The following COL25A1 variants were observed in gnomAD, a reference collection of about 807,000 sequenced individuals.
The protein encoded by COL25A1 is collagen type XXV alpha 1 chain.
Under a neutral mutation model 128.4 loss-of-function variants are expected in COL25A1, and 103 were observed. The ratio of observed to expected loss-of-function variants is 0.80; its 90% CI spans 0.68 to 0.94. The LOEUF (loss-of-function observed/expected upper bound fraction) is 0.94. Among genes scored for constraint, COL25A1 ranks in the 40% least tolerant of loss-of-function variants. The pLI is 0.00. For synonymous variants in COL25A1, 279 were observed against 277.2 expected (o/e 1.01, Z -0.06); for missense variants, 745 against 840.0 (o/e 0.89, Z 1.40).
intron 32 of COL25A1, 98 bp downstream of exon 32, chr4:108,832,282 C>CTTTA: frequency 1.2e-6 from 1 of 823,232 alleles, no homozygotes; most frequent in South Asian, 1.8e-5. Context: ...TTAGATAGCC[C>CTTTA]TTTATTTCTT....
chr4:109,197,470 TAA>T (rs1491148945), intron 3 of COL25A1, among the ~76,000 whole-genome samples: 3,683 of 74,692 alleles, frequency 0.049, 87 homozygotes, highest in Non-Finnish European at 0.079. Context: ...ATATTATATA[TAA>T]TATATATTAT....
chr4:108,899,134 A>G lies in COL25A1; in HGVS notation c.861+20T>C. On this transcript the variant is annotated intron_variant, in intron 15 of 37. Coordinates refer to ENST00000399132, the MANE Select transcript of COL25A1 (RefSeq NM_198721.4). ...TGGTGGGGAGTAGGGAGAGAGAAATACAGGCAGAATCATTCTTACCTTTTC... is the reference window on the plus strand; with the variant it reads ...TGGTGGGGAGTAGGGAGAGAGAAATGCAGGCAGAATCATTCTTACCTTTTC... 6.2e-7 allele frequency: 1 copy of G among 1,607,504 alleles called. No individual in the cohort carries two copies. The highest frequency in any genetic ancestry group is 8.5e-7 in the Non-Finnish European group (1 of 1,176,534).
At chr4:109,208,933 GTGCT>G (rs1777266726) in intron 3 of COL25A1, among the ~76,000 whole-genome samples, 1 of 152,148 alleles carries the variant, frequency 6.6e-6, no homozygotes, top group Non-Finnish European at 1.5e-5. Flanking sequence ...TTTTAGCACT[GTGCT>G]GAGAAAATAG....
chr4:109,041,970 T>C (rs959541916), intron 5 of COL25A1, among the ~76,000 whole-genome samples: 1 of 152,134 alleles, frequency 6.6e-6, no homozygotes, highest in South Asian at 2.1e-4. Context: ...CTAAAACAGA[T>C]GGTATCCAGA....
In COL25A1 at chr4:108,821,444, G is replaced by C. The variant is rs966778679; in HGVS notation, c.1846-2115C>G. ...CCTTAACAAATCACTTCAGTACCAT[G>C]ACATAAAACTGATGTAAACTCATTT... On this transcript the variant is annotated intron_variant, in intron 35 of 37. Coordinates refer to ENST00000399132, the MANE Select transcript of COL25A1 (RefSeq NM_198721.4). Among the ~76,000 whole-genome samples, 6 of 152,270 alleles carry C rather than the reference G, an allele frequency of 3.9e-5. No homozygotes were observed. The South Asian group carries it at 1.2e-3, about 32-fold the overall frequency.
intron 3 of COL25A1, among the ~76,000 whole-genome samples, chr4:109,087,931 C>T (rs1764557379): frequency 6.6e-6 from 1 of 151,824 alleles, no homozygotes. Context: ...TTAGAAACAA[C>T]ACACAACTTG....
intron 3 of COL25A1, among the ~76,000 whole-genome samples, chr4:109,062,384 A>G (rs942227764): frequency 1.3e-5 from 2 of 152,200 alleles, no homozygotes; most frequent in Non-Finnish European, 2.9e-5. Flanking sequence ...AAAATATGGC[A>G]TTTTATTATG....
At chr4:109,010,657 A>C (rs569915359) in intron 5 of COL25A1, among the ~76,000 whole-genome samples, 2 of 152,344 alleles carry the variant, frequency 1.3e-5, no homozygotes, top group East Asian at 3.9e-4. Context: ...AAGAGAAGGC[A>C]GAAGGAATAC....
intron 3 of COL25A1, among the ~76,000 whole-genome samples, chr4:109,112,302 T>C (rs1259925060): frequency 1.3e-5 from 2 of 152,046 alleles, no homozygotes; most frequent in Admixed American, 6.6e-5. Context: ...TCCTGGGAAG[T>C]AGATGGAATG....
At chr4:109,027,725 C>A (rs926687985) in intron 5 of COL25A1, among the ~76,000 whole-genome samples, 5 of 151,542 alleles carry the variant, frequency 3.3e-5, no homozygotes, top group Non-Finnish European at 5.9e-5. Context: ...AGACTTGCAA[C>A]TAGATTGAAT....
At chr4:108,847,429 T>C (rs1307285853) in intron 27 of COL25A1, among the ~76,000 whole-genome samples, 2 of 152,114 alleles carry the variant, frequency 1.3e-5, no homozygotes, top group Non-Finnish European at 2.9e-5. Flanking sequence ...TGTTCCTATT[T>C]AATAGCATTC....
chr4:109,002,307 A>G (rs1055111499), intron 6 of COL25A1, among the ~76,000 whole-genome samples: 2 of 152,238 alleles, frequency 1.3e-5, no homozygotes, highest in Non-Finnish European at 2.9e-5. Flanking sequence ...TATGGAATCA[A>G]CCTAAATGTC....
intron 6 of COL25A1, among the ~76,000 whole-genome samples, chr4:109,000,709 G>A (rs567593265): frequency 1.6e-5 from 2 of 121,750 alleles, no homozygotes; most frequent in East Asian, 5.4e-4. Flanking sequence ...TTGTGCCACT[G>A]CACTCCAGCC....
chr4:108,980,202 G>C (rs1212447416), intron 6 of COL25A1, among the ~76,000 whole-genome samples: 1 of 152,214 alleles, frequency 6.6e-6, no homozygotes, highest in Non-Finnish European at 1.5e-5. Context: ...AGAACACGGG[G>C]TGTTCGGGAT....
chr4:109,111,961 A>T (rs1394304048), intron 3 of COL25A1, among the ~76,000 whole-genome samples: 9 of 152,160 alleles, frequency 5.9e-5, no homozygotes, highest in Admixed American at 5.9e-4. Flanking sequence ...TCATGTACCA[A>T]TACATTTGGA....
At chr4:108,993,248 T>G (rs1006642493) in intron 6 of COL25A1, among the ~76,000 whole-genome samples, 3 of 152,226 alleles carry the variant, frequency 2.0e-5, no homozygotes, top group African/African-American at 7.2e-5. Flanking sequence ...AGATCAACAT[T>G]TTTTGATTCC....
intron 3 of COL25A1, among the ~76,000 whole-genome samples, chr4:109,243,369 T>G (rs762847022): frequency 2.0e-5 from 3 of 151,976 alleles, no homozygotes; most frequent in Non-Finnish European, 2.9e-5. Flanking sequence ...GAGGGGCCTT[T>G]GGAACAGCTG....
chr4:109,173,437 T>C (rs1462544010), intron 3 of COL25A1, among the ~76,000 whole-genome samples: 1 of 152,210 alleles, frequency 6.6e-6, no homozygotes, highest in Non-Finnish European at 1.5e-5. Flanking sequence ...CTGACTGATA[T>C]ATTATGGGAA....
intron 8 of COL25A1, among the ~76,000 whole-genome samples, chr4:108,956,277 G>C (rs1215152581): frequency 2.0e-5 from 3 of 152,168 alleles, no homozygotes; most frequent in Non-Finnish European, 2.9e-5. Flanking sequence ...ATTGTATATT[G>C]AGAAATCTGA....
Sources: allele counts gnomAD v4.1 joint callset (sites outside exome capture counted in the v4.1 genomes callset), GRCh38; gene constraint gnomAD v4.1.1; transcripts MANE v1.5; gene names NCBI Gene and HGNC (gene_info 2026-07-23, HGNC 2026-07-21).